CTNNA3: variants seen among roughly 807,000 people sequenced by gnomAD.
The protein encoded by CTNNA3 is catenin alpha 3.
A neutral mutation model predicts 95.7 loss-of-function variants in CTNNA3; 76 were observed. The observed-to-expected ratio is 0.79, with a 90% confidence interval of 0.66 to 0.96. The LOEUF (loss-of-function observed/expected upper bound fraction) is 0.96. CTNNA3 is among the 40% of genes least tolerant of loss of function. CTNNA3 has a pLI of 0.00. For missense variants in CTNNA3, 1,191 were observed against 1,089.8 expected (o/e 1.09, Z -1.31); for synonymous variants, 431 against 374.4 (o/e 1.15, Z -1.74).
chr10:66,468,887 T>A (rs936721042), intron 11 of CTNNA3, among the ~76,000 whole-genome samples: 2 of 151,928 alleles, frequency 1.3e-5, no homozygotes, highest in African/African-American at 4.8e-5. Context: ...TAAGTATAAA[T>A]CTACCACAAT....
intron 11 of CTNNA3, among the ~76,000 whole-genome samples, chr10:66,392,289 G>A (rs904095688): frequency 6.6e-6 from 1 of 151,906 alleles, no homozygotes; most frequent in Non-Finnish European, 1.5e-5. Flanking sequence ...AATTAGCCAG[G>A]AGTGGTGGTC....
At chr10:66,165,773 A>G (rs1405091706) in intron 13 of CTNNA3, among the ~76,000 whole-genome samples, 2 of 151,634 alleles carry the variant, frequency 1.3e-5, no homozygotes, top group Admixed American at 6.6e-5. Context: ...TTATTTTATT[A>G]TTATTATTAT....
intron 12 of CTNNA3, among the ~76,000 whole-genome samples, chr10:66,286,183 T>G (rs1320742152): frequency 6.6e-6 from 1 of 152,096 alleles, no homozygotes; most frequent in Non-Finnish European, 1.5e-5. Context: ...AACAATATCC[T>G]AAGTGGTTGG....
At chr10:66,644,485 A>G (rs377595542) in intron 9 of CTNNA3, among the ~76,000 whole-genome samples, 4 of 109,002 alleles carry the variant, frequency 3.7e-5, no homozygotes, top group Admixed American at 9.2e-5. Flanking sequence ...TTATATATAT[A>G]TATACACACA....
At chr10:67,119,333 C>T (rs981549130) in intron 7 of CTNNA3, among the ~76,000 whole-genome samples, 1 of 151,842 alleles carries the variant, frequency 6.6e-6, no homozygotes, top group African/African-American at 2.4e-5. Context: ...TAAAAGGAAA[C>T]TCAGACGTTA....
At chr10:66,228,526 A>G (rs897682067) in intron 13 of CTNNA3, among the ~76,000 whole-genome samples, 15 of 152,090 alleles carry the variant, frequency 9.9e-5, no homozygotes, top group Non-Finnish European at 2.2e-4. Flanking sequence ...TTTTTTAAAA[A>G]TACCTCACAT....
At chr10:67,361,144 C>A (rs991404092) in intron 5 of CTNNA3, among the ~76,000 whole-genome samples, 1 of 152,062 alleles carries the variant, frequency 6.6e-6, no homozygotes, top group African/African-American at 2.4e-5. Context: ...TGCCTATAGA[C>A]CTACAAAAAG....
In CTNNA3 at chr10:67,584,895, C is replaced by T. The variant is rs550852066; in HGVS notation, c.292+21962G>A. Among the ~76,000 whole-genome samples the T allele has an allele frequency of 1.3e-4, 20 of 152,328 alleles. No homozygotes were observed. In the South Asian group the frequency reaches 2.9e-3, roughly 22 times the overall value. On this transcript the variant is annotated intron_variant, in intron 3 of 17. Coordinates refer to ENST00000433211, the MANE Select transcript of CTNNA3 (RefSeq NM_013266.4). ...TGCGGGATATAATCTCCTGGTGTGC[C>T]GTTTGCTAAGACCATTGGAAAAGCA...
chr10:66,430,210 C>T (rs2093281724), intron 11 of CTNNA3, among the ~76,000 whole-genome samples: 1 of 151,210 alleles, frequency 6.6e-6, no homozygotes, highest in Non-Finnish European at 1.5e-5. Context: ...TGTGAAGGAC[C>T]TCTTCAAGGA....
intron 13 of CTNNA3, among the ~76,000 whole-genome samples, chr10:66,129,295 T>G (rs2082977329): frequency 6.6e-6 from 1 of 152,012 alleles, no homozygotes; most frequent in Non-Finnish European, 1.5e-5. Flanking sequence ...AAACTTCTAT[T>G]AAGGTACAGG....
At chr10:66,012,747 A>G (rs895229461) in intron 15 of CTNNA3, among the ~76,000 whole-genome samples, 8 of 152,162 alleles carry the variant, frequency 5.3e-5, no homozygotes, top group Admixed American at 5.2e-4. Context: ...CTAATTTCGC[A>G]CTGCATATTT....
At chr10:66,189,135 G>C (rs562354466) in intron 13 of CTNNA3, among the ~76,000 whole-genome samples, 1 of 152,090 alleles carries the variant, frequency 6.6e-6, no homozygotes, top group South Asian at 2.1e-4. Context: ...CACCCAATTA[G>C]ATATATGGTT....
At chr10:67,066,482 C>T (rs931460329) in intron 7 of CTNNA3, among the ~76,000 whole-genome samples, 2 of 150,258 alleles carry the variant, frequency 1.3e-5, no homozygotes, top group African/African-American at 4.9e-5. Flanking sequence ...TGAACCACCG[C>T]ACCTGGCCAA....
chr10:67,273,499 C>T (rs975501021), intron 5 of CTNNA3, among the ~76,000 whole-genome samples: 8 of 152,148 alleles, frequency 5.3e-5, no homozygotes, highest in Admixed American at 3.3e-4. Flanking sequence ...AATGATAAAA[C>T]TCCTTCAGGA....
At chr10:66,425,421 T>C (rs1415206928) in intron 11 of CTNNA3, among the ~76,000 whole-genome samples, 4 of 125,774 alleles carry the variant, frequency 3.2e-5, no homozygotes, top group Non-Finnish European at 5.0e-5. Flanking sequence ...TATTTCTTGC[T>C]TTTTTGATTT....
chr10:66,226,977 T>C (rs1014949717), intron 13 of CTNNA3, among the ~76,000 whole-genome samples: 1 of 152,160 alleles, frequency 6.6e-6, no homozygotes, highest in Non-Finnish European at 1.5e-5. Flanking sequence ...TTTTCCTATA[T>C]ATAAGATCAT....
intron 9 of CTNNA3, among the ~76,000 whole-genome samples, chr10:66,650,188 G>A (rs1444738717): frequency 6.6e-6 from 1 of 152,182 alleles, no homozygotes; most frequent in Non-Finnish European, 1.5e-5. Context: ...ATTCTTCAGG[G>A]TAGATCATAT....
chr10:67,141,884 C>G (rs951080464), intron 7 of CTNNA3, among the ~76,000 whole-genome samples: 1 of 151,518 alleles, frequency 6.6e-6, no homozygotes, highest in African/African-American at 2.4e-5. Flanking sequence ...TTTAGAGGCA[C>G]ATAAAACCTA....
chr10:66,745,514 C>A (rs1377920355), intron 9 of CTNNA3, among the ~76,000 whole-genome samples: 1 of 150,848 alleles, frequency 6.6e-6, no homozygotes, highest in African/African-American at 2.4e-5. Context: ...TTTATTAAAT[C>A]ATTTAATTAA....
Sources: allele counts gnomAD v4.1 joint callset (sites outside exome capture counted in the v4.1 genomes callset), GRCh38; gene constraint gnomAD v4.1.1; transcripts MANE v1.5; gene names NCBI Gene and HGNC (gene_info 2026-07-23, HGNC 2026-07-21).